Variants in PDE10A observed in about 807,000 individuals in gnomAD.
The protein encoded by PDE10A is cAMP and cAMP-inhibited cGMP 3',5'-cyclic phosphodiesterase 10A.
A neutral mutation model predicts 97.7 loss-of-function variants in PDE10A; 39 were observed. That is an observed-to-expected ratio of 0.40 (90% CI 0.31 to 0.52). The LOEUF (loss-of-function observed/expected upper bound fraction) is 0.52, where lower values mean the gene tolerates loss of function less well. PDE10A is among the 20% of genes least tolerant of loss of function. PDE10A has a pLI of 0.56. For synonymous variants in PDE10A, 371 were observed against 376.8 expected (o/e 0.98, Z 0.18); for missense variants, 731 against 1,047.8 (o/e 0.70, Z 4.17).
chr6:165,768,670 T>C (rs754134177), intron 1 of PDE10A, among the ~76,000 whole-genome samples: 4 of 152,158 alleles, frequency 2.6e-5, no homozygotes, highest in Non-Finnish European at 4.4e-5. Context: ...GGTTGGAAAT[T>C]CAAAGAATAC....
intron 1 of PDE10A, among the ~76,000 whole-genome samples, chr6:165,644,575 G>A (rs1789298279): frequency 6.6e-6 from 1 of 152,180 alleles, no homozygotes; most frequent in Admixed American, 6.5e-5. Flanking sequence ...CAAATGTGTA[G>A]GATCTCTTGA....
intron 1 of PDE10A, among the ~76,000 whole-genome samples, chr6:165,725,460 GC>G (rs1158848325): frequency 6.6e-6 from 1 of 152,220 alleles, no homozygotes. Flanking sequence ...AGGGGTATGA[GC>G]AGTGGGGCAC....
chr6:165,889,543 C>T (rs11753760), intron 1 of PDE10A, among the ~76,000 whole-genome samples: 57,239 of 151,888 alleles, frequency 0.38, 11,498 homozygotes, highest in East Asian at 0.66. Context: ...ATGGAGTTGC[C>T]GTCATTGAGG....
At chr6:165,691,332 T>C (rs1287774915) in intron 1 of PDE10A, among the ~76,000 whole-genome samples, 1 of 151,008 alleles carries the variant, frequency 6.6e-6, no homozygotes, top group Non-Finnish European at 1.5e-5. Flanking sequence ...ATTTTTACTG[T>C]ACATTTTCTG....
chr6:165,790,707 T>C (rs9365920), intron 1 of PDE10A, among the ~76,000 whole-genome samples: 86,543 of 151,796 alleles, frequency 0.57, 24,823 homozygotes, highest in Middle Eastern at 0.61. Flanking sequence ...TCTCATTCAC[T>C]GTGGAGGCCT....
At chr6:165,707,509 C>T (rs1029455100) in intron 1 of PDE10A, among the ~76,000 whole-genome samples, 6 of 152,206 alleles carry the variant, frequency 3.9e-5, no homozygotes, top group Admixed American at 1.3e-4. Context: ...GGCAGCCCCA[C>T]GTGTCAGGTG....
At chr6:165,346,125 G>A (rs1295105134) in intron 18 of PDE10A, among the ~76,000 whole-genome samples, 1 of 152,188 alleles carries the variant, frequency 6.6e-6, no homozygotes, top group African/African-American at 2.4e-5. Flanking sequence ...AAATCTTGGT[G>A]TCTTTTCCCA....
intron 1 of PDE10A, among the ~76,000 whole-genome samples, chr6:165,852,719 C>A (rs561262945): frequency 6.6e-5 from 10 of 152,304 alleles, no homozygotes; most frequent in African/African-American, 2.2e-4. Context: ...GTACAATGAA[C>A]CCTGCTCCAT....
chr6:165,633,396 A>C (rs1404437007), intron 1 of PDE10A, among the ~76,000 whole-genome samples: 1 of 152,238 alleles, frequency 6.6e-6, no homozygotes, highest in African/African-American at 2.4e-5. Context: ...CCTATACATT[A>C]ACTTTTCTTT....
chr6:165,748,158 G>GA (rs1562716538), intron 1 of PDE10A, among the ~76,000 whole-genome samples: 1 of 151,744 alleles, frequency 6.6e-6, no homozygotes, highest in African/African-American at 2.4e-5. Context: ...AGACAGCCCA[G>GA]AAAAAAAATG....
At chr6:165,620,560 G>C (rs1049295545) in intron 1 of PDE10A, among the ~76,000 whole-genome samples, 2 of 149,836 alleles carry the variant, frequency 1.3e-5, no homozygotes, top group Non-Finnish European at 2.9e-5. Context: ...AGGGAAGAGA[G>C]AAAACGATCA....
At chr6:165,619,253 T>A (rs1182450967) in intron 1 of PDE10A, among the ~76,000 whole-genome samples, 5 of 144,810 alleles carry the variant, frequency 3.5e-5, no homozygotes, top group African/African-American at 8.5e-5. Context: ...TGTAGTGTAG[T>A]CTAGTGTAGT....
At chr6:165,570,838 A>C (rs1785015622) in intron 1 of PDE10A, among the ~76,000 whole-genome samples, 2 of 152,158 alleles carry the variant, frequency 1.3e-5, no homozygotes, top group African/African-American at 4.8e-5. Context: ...ATACTTGACC[A>C]ATGCTTGCTC....
At chr6:165,806,655 C>CA (rs372606189) in intron 1 of PDE10A, among the ~76,000 whole-genome samples, 40 of 151,250 alleles carry the variant, frequency 2.6e-4, no homozygotes, top group Middle Eastern at 6.8e-3. Flanking sequence ...GAGCGCCCCC[C>CA]CCCAGGCTCT....
chr6:165,852,116 A>C lies in PDE10A; in HGVS notation c.-615+135413T>G, dbSNP rs544105554. Among the ~76,000 whole-genome samples the C allele has an allele frequency of 1.9e-4, 29 of 152,272 alleles. No homozygotes were observed. The East Asian group carries it at 4.8e-3, about 25-fold the overall frequency. On this transcript the variant is annotated intron_variant, in intron 1 of 19. Coordinates refer to the PDE10A transcript ENST00000366882. ...TCCCCCCTTTCTCTTTTTTCTACGA[A>C]AGAAGAAAGTCCCATCTCACTAGTT...
chr6:165,414,234 C>T (rs75060071), intron 12 of PDE10A, among the ~76,000 whole-genome samples: 271 of 152,294 alleles, frequency 1.8e-3, no homozygotes, highest in African/African-American at 6.3e-3. Context: ...CTGATTCTGC[C>T]ATCACCCCAC....
intron 8 of PDE10A, among the ~76,000 whole-genome samples, chr6:165,430,603 T>TAAA (rs369033440): frequency 6.6e-6 from 1 of 152,076 alleles, no homozygotes; most frequent in Non-Finnish European, 1.5e-5. Context: ...ATAATGGACT[T>TAAA]ATAAAGATGT....
chr6:165,737,659 A>C (rs987391086), intron 1 of PDE10A, among the ~76,000 whole-genome samples: 1 of 152,248 alleles, frequency 6.6e-6, no homozygotes, highest in Non-Finnish European at 1.5e-5. Flanking sequence ...GGTATAGAAG[A>C]AATGTACCTC....
At position 165,831,478 on chromosome 6, in the gene PDE10A, C is replaced by CTTTTTTTTT. The variant is rs200237321; in HGVS notation, c.-615+156042_-615+156050dup. ...CTGTATTCTGAAAAATTGCAGGAGT[C>CTTTTTTTTT]TTTTTTTTTTTTTATTTGAGACGGA... On this transcript the variant is annotated intron_variant, in intron 1 of 19. Coordinates refer to the PDE10A transcript ENST00000366882. 3.2e-4 allele frequency among the ~76,000 whole-genome samples: 43 copies of CTTTTTTTTT among 133,836 alleles called. 1 individual carries two copies. The highest frequency in any genetic ancestry group is 1.1e-3 in the African/African-American group (37 of 35,042). The allele number at this position is 133,836 out of a possible 152,430, so 87.8% of individuals were successfully genotyped here.
Sources: gnomAD v4.1 joint callset for allele counts (sites outside exome capture counted in the v4.1 genomes callset) on GRCh38, gnomAD v4.1.1 for gene constraint, MANE v1.5 for transcripts, NCBI Gene and HGNC (gene_info 2026-07-23, HGNC 2026-07-21) for gene names.